The following PDE7B variants were observed in gnomAD, a reference collection of about 807,000 sequenced individuals.
PDE7B encodes the protein phosphodiesterase 7B, also known as 3',5'-cyclic-AMP phosphodiesterase 7B.
In PDE7B, 29 loss-of-function variants were observed where a neutral mutation model predicts 56.2. The observed-to-expected ratio is 0.52, with a 90% CI of 0.38 to 0.70. The LOEUF (loss-of-function observed/expected upper bound fraction) is 0.70. PDE7B is among the 30% of genes least tolerant of loss of function. The pLI, the probability that PDE7B is intolerant of heterozygous loss-of-function variation, is 0.00. For synonymous variants in PDE7B, 197 were observed against 196.9 expected, an observed-to-expected ratio of 1.00 and a Z score of 0.00; for missense variants, 490 against 565.0, an observed-to-expected ratio of 0.87 and a Z score of 1.35.
chr6:135,903,119 C>G (rs1776035167), intron 1 of PDE7B, among the ~76,000 whole-genome samples: 1 of 152,078 alleles, frequency 6.6e-6, no homozygotes, highest in Non-Finnish European at 1.5e-5. Context: ...GAGTCAGTTA[C>G]TAGGTAATGT....
At chr6:136,003,477 A>G (rs1337287730) in intron 2 of PDE7B, among the ~76,000 whole-genome samples, 1 of 152,256 alleles carries the variant, frequency 6.6e-6, no homozygotes, top group Non-Finnish European at 1.5e-5. Flanking sequence ...AGAAGAAAAG[A>G]GAAAAGAATC....
chr6:135,931,575 A>G (rs952138124), intron 1 of PDE7B, among the ~76,000 whole-genome samples: 1 of 152,180 alleles, frequency 6.6e-6, no homozygotes, highest in Non-Finnish European at 1.5e-5. Flanking sequence ...ATAATAAATG[A>G]GTAACAATGA....
intron 1 of PDE7B, among the ~76,000 whole-genome samples, chr6:135,945,076 ACTTT>A (rs368768033): frequency 0.34 from 52,119 of 151,798 alleles, 9,394 homozygotes; most frequent in Admixed American, 0.49. Flanking sequence ...CACTTTAATC[ACTTT>A]AAACATAATC....
At chr6:135,983,375 G>A (rs79144019) in intron 2 of PDE7B, among the ~76,000 whole-genome samples, 4,567 of 152,160 alleles carry the variant, frequency 0.03, 220 homozygotes, top group African/African-American at 0.1. Context: ...GAAATTAATC[G>A]TCTACATTCA....
At chr6:135,966,050 C>A (rs920528704) in intron 2 of PDE7B, among the ~76,000 whole-genome samples, 1 of 151,954 alleles carries the variant, frequency 6.6e-6, no homozygotes, top group Non-Finnish European at 1.5e-5. Context: ...AGGGTAATAA[C>A]AATAAAGAGA....
intron 2 of PDE7B, among the ~76,000 whole-genome samples, chr6:136,058,145 T>G (rs575171213): frequency 6.6e-6 from 1 of 152,212 alleles, no homozygotes; most frequent in African/African-American, 2.4e-5. Flanking sequence ...AAGTGGCAGA[T>G]CTTTCCAAAG....
chr6:135,995,720 C>T (rs990267888), intron 2 of PDE7B, among the ~76,000 whole-genome samples: 3 of 152,186 alleles, frequency 2.0e-5, no homozygotes, highest in African/African-American at 7.2e-5. Flanking sequence ...GGGATACCAG[C>T]GCAAAGCCTT....
At chr6:136,110,419 T>A in intron 3 of PDE7B, among the ~76,000 whole-genome samples, 1 of 152,162 alleles carries the variant, frequency 6.6e-6, no homozygotes, top group East Asian at 1.9e-4. Flanking sequence ...GGGGTTCCAT[T>A]TCACTGTTTC....
chr6:136,158,146 T>C (rs2128448181), intron 8 of PDE7B, among the ~76,000 whole-genome samples: 1 of 152,292 alleles, frequency 6.6e-6, no homozygotes, highest in East Asian at 1.9e-4. Flanking sequence ...TATTTAAAAA[T>C]CTTTGGAAAT....
intron 1 of PDE7B, among the ~76,000 whole-genome samples, chr6:135,930,524 T>C (rs1774275107): frequency 6.6e-6 from 1 of 151,912 alleles, no homozygotes; most frequent in Non-Finnish European, 1.5e-5. Flanking sequence ...AATCTAAGCA[T>C]AGGATGAGAA....
intron 1 of PDE7B, among the ~76,000 whole-genome samples, chr6:135,869,906 G>A (rs934172690): frequency 2.6e-5 from 4 of 152,222 alleles, no homozygotes; most frequent in Admixed American, 2.6e-4. Context: ...GATGGAAGGA[G>A]ATGAGCAGGC....
intron 2 of PDE7B, among the ~76,000 whole-genome samples, chr6:136,080,379 T>A (rs978815488): frequency 2.6e-5 from 4 of 152,204 alleles, no homozygotes; most frequent in African/African-American, 4.8e-5. Flanking sequence ...TTCTTCCTTC[T>A]TCCACTTAAA....
intron 1 of PDE7B, among the ~76,000 whole-genome samples, chr6:135,892,617 C>T (rs1422801399): frequency 2.0e-5 from 3 of 152,048 alleles, no homozygotes; most frequent in Non-Finnish European, 2.9e-5. Context: ...TAATAGCTCA[C>T]CTCTTCTATA....
intron 1 of PDE7B, among the ~76,000 whole-genome samples, chr6:135,937,600 T>C (rs1425424242): frequency 6.6e-6 from 1 of 152,206 alleles, no homozygotes; most frequent in African/African-American, 2.4e-5. Context: ...GAATACATTA[T>C]TCAGAAAGTT....
chr6:136,113,771 C>T (rs1777786935), intron 3 of PDE7B, among the ~76,000 whole-genome samples: 1 of 152,138 alleles, frequency 6.6e-6, no homozygotes, highest in South Asian at 2.1e-4. Flanking sequence ...CTTGTGGACC[C>T]AGAGGGGAGA....
chr6:136,010,257 C>T lies in PDE7B; in HGVS notation c.82+62733C>T, dbSNP rs571395580. Among the ~76,000 whole-genome samples the T allele has an allele frequency of 5.8e-4, 88 of 152,100 alleles. 2 individuals are homozygous for T. The South Asian group carries it at 0.013, about 22-fold the overall frequency. On this transcript the variant is annotated intron_variant, in intron 2 of 12. Transcript: ENST00000308191. ...TTTTTATTGTATTCTATTCTTATTG[C>T]GCTGTGGTCTGAGACTATGTTTGGT...
intron 1 of PDE7B, among the ~76,000 whole-genome samples, chr6:135,866,657 A>G (rs1213478110): frequency 1.3e-5 from 2 of 152,166 alleles, no homozygotes; most frequent in Admixed American, 1.3e-4. Flanking sequence ...GTTTTCTTGT[A>G]TAGTCGCTGA....
intron 2 of PDE7B, among the ~76,000 whole-genome samples, chr6:136,002,172 G>A (rs931052552): frequency 2.6e-5 from 4 of 152,062 alleles, no homozygotes; most frequent in East Asian, 1.9e-4. Context: ...TCACCACCAG[G>A]CCTGGCCTAA....
intron 2 of PDE7B, among the ~76,000 whole-genome samples, chr6:135,979,462 C>T (rs1486396911): frequency 6.6e-6 from 1 of 151,510 alleles, no homozygotes; most frequent in Non-Finnish European, 1.5e-5. Flanking sequence ...GTACCAGTTC[C>T]TCCTTGTACC....
Sources: gnomAD v4.1 joint callset for allele counts (sites outside exome capture counted in the v4.1 genomes callset) on GRCh38, gnomAD v4.1.1 for gene constraint, MANE v1.5 for transcripts, NCBI Gene and HGNC (gene_info 2026-07-23, HGNC 2026-07-21) for gene names.